Variants in CIT observed in about 807,000 individuals in gnomAD.
CIT encodes the protein citron rho-interacting serine/threonine kinase.
Under a neutral mutation model 272.7 loss-of-function variants are expected in CIT, and 79 were observed. The observed-to-expected ratio is 0.29, with a 90% confidence interval of 0.24 to 0.35. The LOEUF (loss-of-function observed/expected upper bound fraction) is 0.35. Ranked by LOEUF, CIT falls within the 10% of genes least tolerant of loss-of-function variation. The pLI, the probability that CIT is intolerant of heterozygous loss-of-function variation, is 1.00. For synonymous variants in CIT, 948 were observed against 995.6 expected (o/e 0.95, Z 0.90); for missense variants, 1,909 against 2,618.3 (o/e 0.73, Z 5.91).
chr12:119,758,020 C>T (rs1961252720), intron 21 of CIT, among the ~76,000 whole-genome samples: 1 of 152,170 alleles, frequency 6.6e-6, no homozygotes, highest in South Asian at 2.1e-4. Flanking sequence ...AGTATCAAAA[C>T]CTAGAACGAC....
At position 119,857,582 on chromosome 12, in the gene CIT, T is replaced by A; in HGVS notation, c.355A>T (p.Thr119Ser). ...ACTTTCATAGCATAGATGTCCCCGGTTGCTTTCTCTCTTACCACCTGCACT... is the reference window on the plus strand; with the variant it reads ...ACTTTCATAGCATAGATGTCCCCGGATGCTTTCTCTCTTACCACCTGCACT... ...AEVQVVREKA[T>S]GDIYAMKVMK... is the part of the protein sequence containing the mutation. The change falls in exon 4 of 48, where the codon ACC becomes TCC. Residue 119 changes from threonine (T) to serine (S), a missense_variant. By Grantham distance (58) the Thr-to-Ser change is moderately conservative. Around this residue, in one of 8 missense-constraint regions of CIT, gnomAD observed 529 missense variants for 549.6 expected, o/e 0.96. Coordinates refer to ENST00000392521, the MANE Select transcript of CIT (RefSeq NM_001206999.2). The A allele has an allele frequency of 6.2e-7, 1 of 1,614,180 alleles. No individual in the cohort carries two copies. The highest frequency in any genetic ancestry group is 8.5e-7 in the Non-Finnish European group (1 of 1,180,028).
chr12:119,732,589 T>TATTTCTACCA lies in CIT; in HGVS notation c.3350+1565_3350+1574dup, dbSNP rs1958518290. On this transcript the variant is annotated intron_variant, in intron 26 of 47. Coordinates refer to ENST00000392521, the MANE Select transcript of CIT (RefSeq NM_001206999.2). ...GCTGGGAGGATCTACAAAAAGGAACTATTTCTACCATTTCTTTTGAAATGT... is the reference window on the plus strand; with the variant it reads ...GCTGGGAGGATCTACAAAAAGGAACTATTTCTACCAATTTCTACCATTTCTTTTGAAATGT... Among the ~76,000 whole-genome samples the TATTTCTACCA allele has an allele frequency of 3.3e-5, 5 of 152,204 alleles. No homozygotes were observed. In the South Asian group the frequency reaches 1.0e-3, roughly 31 times the overall value.
chr12:119,850,428 GGAA>G (rs1300263763), intron 4 of CIT, among the ~76,000 whole-genome samples, 153 bp from the exon 5 acceptor site: 1 of 142,360 alleles, frequency 7.0e-6, no homozygotes, highest in Admixed American at 7.4e-5. Flanking sequence ...AAGGAAGGAA[GGAA>G]GAAGAGGGAA....
intron 16 of CIT, among the ~76,000 whole-genome samples, chr12:119,775,257 A>G (rs965807361): frequency 6.6e-6 from 1 of 152,242 alleles, no homozygotes; most frequent in African/African-American, 2.4e-5. Context: ...TGGACAACAG[A>G]GCAAGACTCC....
At chr12:119,717,838 CTTTTT>C (rs10699099) in intron 32 of CIT, among the ~76,000 whole-genome samples, 2 of 81,332 alleles carry the variant, frequency 2.5e-5, no homozygotes, top group African/African-American at 5.0e-5. Flanking sequence ...TGACTTCTTT[CTTTTT>C]TTTTTTTTTT....
At chr12:119,844,626 A>T (rs935919973) in intron 5 of CIT, among the ~76,000 whole-genome samples, 9 of 152,228 alleles carry the variant, frequency 5.9e-5, no homozygotes, top group Non-Finnish European at 8.8e-5. Flanking sequence ...TTGAGCTTTT[A>T]TGTGAAAACT....
intron 7 of CIT, among the ~76,000 whole-genome samples, 164 bp downstream of exon 7, chr12:119,832,607 G>T (rs1968717510): frequency 6.6e-6 from 1 of 152,136 alleles, no homozygotes; most frequent in African/African-American, 2.4e-5. Flanking sequence ...ATAAAAAGGT[G>T]CCACGGTCTG....
chr12:119,757,650 T>C (rs1249367558), intron 21 of CIT, 105 bp from the exon 22 acceptor site: 1 of 1,401,852 alleles, frequency 7.1e-7, no homozygotes, highest in African/African-American at 1.4e-5. Context: ...GTCTCCTCAC[T>C]AAGTGGACTA....
At chr12:119,870,812 T>G (rs566957077) in intron 2 of CIT, among the ~76,000 whole-genome samples, 1 of 152,158 alleles carries the variant, frequency 6.6e-6, no homozygotes, top group East Asian at 1.9e-4. Flanking sequence ...CTAAAATATT[T>G]ATTACTTACA....
intron 20 of CIT, among the ~76,000 whole-genome samples, chr12:119,759,703 G>A (rs930684684): frequency 6.6e-6 from 1 of 151,996 alleles, no homozygotes; most frequent in Non-Finnish European, 1.5e-5. Context: ...AGTCTGAGGT[G>A]GTACGGTTTT....
chr12:119,850,239 G>C lies in CIT; in HGVS notation c.451C>G (p.Arg151Gly), dbSNP rs56076344. 1.2e-6 allele frequency: 2 copies of C among 1,613,340 alleles called. No homozygotes were observed. The highest frequency in any genetic ancestry group is 2.2e-5 in the East Asian group (1 of 44,862). ...TGGGGGATCCACGGGCTTGTGCTTC[G>C]AGATAATATGTTCCGCTCTTCCTCA... ...FFEEERNILS[R>G]STSPWIPQLQ... The change falls in exon 5 of 48, where the codon CGA becomes GGA. Residue 151 changes from arginine (R) to glycine (G), a missense_variant. By Grantham distance (125) the Arg-to-Gly change is moderately radical. Transcript: ENST00000392521.
chr12:119,691,103 C>T (rs1000367010), intron 46 of CIT, among the ~76,000 whole-genome samples: 7 of 135,122 alleles, frequency 5.2e-5, no homozygotes, highest in Admixed American at 2.6e-4. Flanking sequence ...ACTGGGGAGG[C>T]GGAGGTTGCA....
rs572736542 is a variant in CIT at position 119,719,854 on chromosome 12, C to A, written c.3840+624G>T. Among the ~76,000 whole-genome samples the A allele has an allele frequency of 4.6e-5, 7 of 152,332 alleles. No homozygotes were observed. In the South Asian group the frequency reaches 1.5e-3, roughly 32 times the overall value. On this transcript the variant is annotated intron_variant, in intron 30 of 47. Coordinates refer to ENST00000392521, the MANE Select transcript of CIT (RefSeq NM_001206999.2). ...GTGGTTTGGGAAAGCATGTATAGAT[C>A]AGGCTTATGAAAAACAATCTTCTCA...
chr12:119,829,958 G>A (rs1220312107), intron 7 of CIT, among the ~76,000 whole-genome samples: 2 of 151,570 alleles, frequency 1.3e-5, no homozygotes, highest in Admixed American at 6.6e-5. Flanking sequence ...CAGTAAATGT[G>A]GATTATATTT....
intron 13 of CIT, among the ~76,000 whole-genome samples, chr12:119,779,662 T>C (rs1964106491): frequency 1.3e-5 from 2 of 152,134 alleles, no homozygotes; most frequent in African/African-American, 4.8e-5. Context: ...GTAATTTTTG[T>C]GTTTTGTCAA....
chr12:119,788,889 C>T (rs951886148), intron 10 of CIT, among the ~76,000 whole-genome samples: 1 of 152,108 alleles, frequency 6.6e-6, no homozygotes, highest in Non-Finnish European at 1.5e-5. Context: ...CTAAAGAAAT[C>T]TTTTTCTTTA....
At position 119,859,046 on chromosome 12, in the gene CIT, T is replaced by C. The variant is rs571967393; in HGVS notation, c.239-1348A>G. On this transcript the variant is annotated intron_variant, in intron 3 of 47. Transcript: ENST00000392521. ...TGGACAGTAGATTTGGAATCTAACA[T>C]GTTTATTAACACTCTAGATACACTG... Among the ~76,000 whole-genome samples, 6 of 151,272 alleles carry C rather than the reference T, an allele frequency of 4.0e-5. No individual in the cohort carries two copies. In the South Asian group the frequency reaches 1.3e-3, roughly 32 times the overall value.
intron 46 of CIT, among the ~76,000 whole-genome samples, chr12:119,691,626 G>A (rs278124): frequency 0.87 from 133,146 of 152,238 alleles, 58,687 homozygotes; most frequent in African/African-American, 0.97. Flanking sequence ...TAGTAACCAA[G>A]CAGTTGAAAA....
intron 12 of CIT, 34 bp downstream of exon 12, chr12:119,783,874 C>T (rs1032563525): frequency 6.5e-7 from 1 of 1,542,110 alleles, no homozygotes; most frequent in African/African-American, 1.4e-5. Flanking sequence ...GGAAGTGCCA[C>T]CTCCAAGGGA....
Sources: allele counts gnomAD v4.1 joint callset (sites outside exome capture counted in the v4.1 genomes callset), GRCh38; gene constraint gnomAD v4.1.1; regional missense constraint gnomAD v4.1.1; transcripts MANE v1.5; gene names NCBI Gene and HGNC (gene_info 2026-07-23, HGNC 2026-07-21).